The following SPATA7 variants were observed in gnomAD, a reference collection of about 807,000 sequenced individuals.
SPATA7 encodes the protein spermatogenesis associated 7.
SPATA7 carries 43 observed loss-of-function variants against 51.8 expected under a neutral mutation model. That is an observed-to-expected ratio of 0.83 (90% CI 0.65 to 1.07). The LOEUF is 1.07. SPATA7 is among the 50% of genes least tolerant of loss of function. The pLI is 0.00. For missense variants in SPATA7, 683 were observed against 701.3 expected (o/e 0.97, Z 0.30); for synonymous variants, 230 against 252.8 (o/e 0.91, Z 0.86).
intron 4 of SPATA7, among the ~76,000 whole-genome samples, chr14:88,406,334 C>T (rs916634825): frequency 2.0e-5 from 3 of 151,772 alleles, no homozygotes; most frequent in Non-Finnish European, 4.4e-5. Context: ...CAACCACAAA[C>T]CAATTTTAGA....
intron 4 of SPATA7, among the ~76,000 whole-genome samples, chr14:88,406,452 C>T (rs1482729758): frequency 6.8e-6 from 1 of 147,644 alleles, no homozygotes; most frequent in Non-Finnish European, 1.5e-5. Flanking sequence ...TTTTTTTTAG[C>T]ATTCTATTTT....
chr14:88,388,056 G>T (rs73319851), intron 1 of SPATA7, among the ~76,000 whole-genome samples: 5,355 of 152,022 alleles, frequency 0.035, 308 homozygotes, highest in African/African-American at 0.12. Context: ...ACAAAAATTA[G>T]CCAGGCATGG....
rs578065920 is a variant in SPATA7, at chr14:88,405,946, A to T, written c.238+9743A>T. Among the ~76,000 whole-genome samples the T allele has an allele frequency of 7.9e-5, 12 of 152,282 alleles. No individual in the cohort carries two copies. The East Asian group carries it at 2.3e-3, about 29-fold the overall frequency. On this transcript the variant is annotated intron_variant, in intron 4 of 11. Coordinates refer to ENST00000393545, the MANE Select transcript of SPATA7 (RefSeq NM_018418.5). Reference sequence around the variant, plus strand: ...CCATGGTATTTTCTGCTTTTAGTCAATTAAGGCAGGAATTTTTCCTTTTTG... The same window carrying T: ...CCATGGTATTTTCTGCTTTTAGTCATTTAAGGCAGGAATTTTTCCTTTTTG...
In SPATA7 at chr14:88,469,545, T is replaced by C. The variant is rs191058952; in HGVS notation, c.255-302T>C. ...CTGGACAGCCATGTTCAGGCCAGTCTGTGTATTGGAGGTGCCAGACGGTCC... is the reference window on the plus strand; with the variant it reads ...CTGGACAGCCATGTTCAGGCCAGTCCGTGTATTGGAGGTGCCAGACGGTCC... On this transcript the variant is annotated intron_variant, in intron 4 of 4. Coordinates refer to the SPATA7 transcript ENST00000556406. The surrounding 1 kb of genome is among the most constrained non-coding windows in gnomAD (Gnocchi z 4.3). 3.1e-6 allele frequency: 5 copies of C among 1,614,170 alleles called. No homozygotes were observed. The highest frequency in any genetic ancestry group is 4.2e-6 in the Non-Finnish European group (5 of 1,180,034).
In SPATA7 at chr14:88,438,107, T is replaced by C. The variant is rs778726287; in HGVS notation, c.1485T>C (p.Ile495=). 6.2e-7 allele frequency: 1 copy of C among 1,614,074 alleles called. No individual in the cohort carries two copies. Among genetic ancestry groups the C allele is most frequent in the South Asian group, 1.1e-5 (1 of 91,048 alleles). ...CACCAACTGAATTTTTCATGCCTAT[T>C]TATAAATCAAAGCATTCAGAAGGGG... The part of the protein sequence containing the change: ...FPSPTEFFMP[I]YKSKHSEGVI... Residue 495 remains isoleucine (I), a synonymous_variant, in exon 12 of 12, where the codon ATT becomes ATC. Transcript: ENST00000393545.
At chr14:88,451,481 T>C (rs1258689712) in intron 3 of SPATA7, among the ~76,000 whole-genome samples, 1 of 152,048 alleles carries the variant, frequency 6.6e-6, no homozygotes, top group East Asian at 1.9e-4. Flanking sequence ...GATTGTTTTT[T>C]ACTTATGCTA....
downstream of SPATA7, among the ~76,000 whole-genome samples, chr14:88,455,980 G>GT (rs1343678279): frequency 3.3e-5 from 5 of 150,148 alleles, no homozygotes; most frequent in Non-Finnish European, 5.9e-5. Flanking sequence ...GCAGTGTTTG[G>GT]TTTTTTGTCC....
intron 1 of SPATA7, 54 bp downstream of exon 1, chr14:88,385,891 G>C (rs1341051838): frequency 1.9e-6 from 3 of 1,570,156 alleles, no homozygotes; most frequent in Non-Finnish European, 2.6e-6. Flanking sequence ...TCCAGGCGGC[G>C]CTCCCAGCCT....
chr14:88,431,356 T>C, intron 9 of SPATA7, 131 bp downstream of exon 9: 1 of 849,706 alleles, frequency 1.2e-6, no homozygotes, highest in South Asian at 1.4e-5. Context: ...AATGTACATA[T>C]TCATGGAGTA....
intron 3 of SPATA7, among the ~76,000 whole-genome samples, chr14:88,447,468 C>A (rs1036419950): frequency 3.3e-5 from 5 of 152,014 alleles, no homozygotes; most frequent in African/African-American, 1.2e-4. Flanking sequence ...TTAATTGGAG[C>A]ATTTAGTCCA....
chr14:88,400,747 A>C (rs761631420), intron 4 of SPATA7, among the ~76,000 whole-genome samples: 3 of 152,222 alleles, frequency 2.0e-5, no homozygotes, highest in Admixed American at 2.0e-4. Context: ...AGGCAGGAGA[A>C]TCACTTGAAT....
intron 1 of SPATA7, among the ~76,000 whole-genome samples, chr14:88,387,245 A>AT (rs1358443244): frequency 6.6e-6 from 1 of 152,192 alleles, no homozygotes; most frequent in Non-Finnish European, 1.5e-5. Context: ...AGTATGGTAG[A>AT]TTTAGTAAGT....
intron 4 of SPATA7, chr14:88,468,389 G>A (rs373515444): frequency 6.1e-5 from 58 of 945,748 alleles, no homozygotes; most frequent in Middle Eastern, 3.5e-4. Flanking sequence ...CCACCTTAGC[G>A]TCTTCTAGAA....
chr14:88,393,365 T>C (rs555891002), intron 2 of SPATA7, 28 bp from the exon 3 acceptor site: 4 of 1,400,376 alleles, frequency 2.9e-6, no homozygotes, highest in Admixed American at 2.0e-5. Flanking sequence ...TAGTTTTAAA[T>C]ATATAATGAT....
chr14:88,387,741 A>G (rs1048293702), intron 1 of SPATA7, among the ~76,000 whole-genome samples: 3 of 152,110 alleles, frequency 2.0e-5, no homozygotes, highest in East Asian at 1.9e-4. Flanking sequence ...TCAGCATGTC[A>G]CTGTACGTCC....
exon 4 of SPATA7, chr14:88,455,122 C>A (rs761690703): frequency 8.8e-6 from 4 of 455,814 alleles, no homozygotes; most frequent in South Asian, 4.6e-5. Context: ...AAAGTGGACA[C>A]AACAAATAGC....
exon 5 of SPATA7, chr14:88,470,217 C>G (rs2077439169): frequency 3.1e-6 from 2 of 643,762 alleles, no homozygotes; most frequent in Non-Finnish European, 5.2e-6. Flanking sequence ...CATCTTTTCC[C>G]TTGTGAATAC....
exon 4 of SPATA7, chr14:88,455,208 A>G (rs540999148): frequency 2.4e-6 from 1 of 422,878 alleles, no homozygotes; most frequent in Non-Finnish European, 4.7e-6. Context: ...ATCTTTATTC[A>G]AGTGTATTAA....
At chr14:88,443,212 G>T (rs937992179), downstream of SPATA7, among the ~76,000 whole-genome samples, 4 of 152,050 alleles carry the variant, frequency 2.6e-5, no homozygotes, top group African/African-American at 9.7e-5. Context: ...CAAAGTGTTG[G>T]GATTACAGGC....
Sources: gnomAD v4.1 joint callset for allele counts (sites outside exome capture counted in the v4.1 genomes callset) on GRCh38, gnomAD v4.1.1 for gene constraint, Gnocchi (gnomAD v3.1) non-coding constraint, MANE v1.5 for transcripts, NCBI Gene and HGNC (gene_info 2026-07-23, HGNC 2026-07-21) for gene names.